Variants in GRM7 observed in about 807,000 individuals in gnomAD.
GRM7 encodes the protein metabotropic glutamate receptor 7.
In GRM7, 35 loss-of-function variants were observed where a neutral mutation model predicts 84.5. The ratio of observed to expected loss-of-function variants is 0.41; its 90% CI spans 0.32 to 0.55. The LOEUF (loss-of-function observed/expected upper bound fraction) is 0.55. GRM7 is among the 20% of genes least tolerant of loss of function. GRM7 has a pLI of 0.19. For missense variants in GRM7, 1,003 were observed against 1,194.6 expected (o/e 0.84, Z 2.36); for synonymous variants, 487 against 455.1 (o/e 1.07, Z -0.89).
At chr3:7,629,089 A>G (rs2125094693) in intron 8 of GRM7, among the ~76,000 whole-genome samples, 1 of 152,330 alleles carries the variant, frequency 6.6e-6, no homozygotes, top group South Asian at 2.1e-4. Context: ...CTGTAAAAAA[A>G]AGGAGATAAC....
At chr3:7,662,944 T>A (rs577107099) in intron 8 of GRM7, among the ~76,000 whole-genome samples, 1 of 152,332 alleles carries the variant, frequency 6.6e-6, no homozygotes, top group East Asian at 1.9e-4. Flanking sequence ...GGATGTGTCT[T>A]TTCTGAGAGA....
At chr3:7,089,060 C>T (rs1334316675) in intron 1 of GRM7, among the ~76,000 whole-genome samples, 1 of 152,118 alleles carries the variant, frequency 6.6e-6, no homozygotes, top group Non-Finnish European at 1.5e-5. Flanking sequence ...GGACACTTCC[C>T]ATTACTTTTG....
intron 4 of GRM7, among the ~76,000 whole-genome samples, chr3:7,315,399 G>A (rs2875237): frequency 0.14 from 21,880 of 152,068 alleles, 1,727 homozygotes; most frequent in African/African-American, 0.2. Context: ...TTTCTCCTAG[G>A]CTTAATGCTG....
chr3:7,172,888 TTACCA>T (rs1243178368), intron 2 of GRM7, among the ~76,000 whole-genome samples: 64 of 152,126 alleles, frequency 4.2e-4, no homozygotes, highest in African/African-American at 1.5e-3. Flanking sequence ...AGAATATTGT[TTACCA>T]GAGGAGGATA....
chr3:7,578,119 C>G (rs1695051688), intron 7 of GRM7, among the ~76,000 whole-genome samples: 1 of 151,990 alleles, frequency 6.6e-6, no homozygotes, highest in Non-Finnish European at 1.5e-5. Context: ...TAAATACAGC[C>G]CCTAAGGTTC....
At chr3:7,146,916 CT>C (rs1295110062) in intron 2 of GRM7, among the ~76,000 whole-genome samples, 1 of 152,068 alleles carries the variant, frequency 6.6e-6, no homozygotes, top group African/African-American at 2.4e-5. Flanking sequence ...AAGTTAATAT[CT>C]TACTTCTGCC....
rs78149538 is a variant in GRM7 at position 7,144,500 on chromosome 3, T to C, written c.520-1952T>C. Among the ~76,000 whole-genome samples the C allele has an allele frequency of 8.6e-3, 1,316 of 152,294 alleles. 11 individuals carry two copies. The highest frequency in any genetic ancestry group is 0.03 in the African/African-American group (1,267 of 41,556). On this transcript the variant is annotated intron_variant, in intron 1 of 9. Coordinates refer to ENST00000357716, the MANE Select transcript of GRM7 (RefSeq NM_000844.4). ...CATAGGACAGTGTGGAGAATGTTCG[T>C]GATGACGTGCAGCAGAGGACTTGAA... is the stretch of plus-strand genomic sequence containing the variant.
At chr3:7,007,142 A>G (rs1056825011) in intron 1 of GRM7, among the ~76,000 whole-genome samples, 15 of 152,152 alleles carry the variant, frequency 9.9e-5, no homozygotes, top group African/African-American at 3.4e-4. Flanking sequence ...AATGAAGAAA[A>G]AGCTCAGGAT....
intron 1 of GRM7, among the ~76,000 whole-genome samples, chr3:6,998,970 T>C (rs914318945): frequency 6.6e-6 from 1 of 152,220 alleles, no homozygotes; most frequent in Non-Finnish European, 1.5e-5. Flanking sequence ...GCCTTGGTGA[T>C]TAACATTTGG....
At chr3:6,868,550 A>G (rs558303505) in intron 1 of GRM7, among the ~76,000 whole-genome samples, 2 of 152,282 alleles carry the variant, frequency 1.3e-5, no homozygotes, top group South Asian at 2.1e-4. Flanking sequence ...TTTTCATTCA[A>G]ATAAATGAGA....
At chr3:7,206,823 C>T (rs578162946) in intron 2 of GRM7, among the ~76,000 whole-genome samples, 10 of 152,216 alleles carry the variant, frequency 6.6e-5, no homozygotes, top group South Asian at 2.1e-4. Flanking sequence ...CCTTATTATT[C>T]GACGGGTTCT....
chr3:7,078,414 A>C (rs12054141), intron 1 of GRM7, among the ~76,000 whole-genome samples: 23,271 of 152,154 alleles, frequency 0.15, 2,928 homozygotes, highest in African/African-American at 0.35. Context: ...GCTGCTGCTG[A>C]TGATGATGTT....
At chr3:7,424,649 G>A (rs193117672) in intron 5 of GRM7, among the ~76,000 whole-genome samples, 5 of 152,166 alleles carry the variant, frequency 3.3e-5, no homozygotes, top group Admixed American at 3.3e-4. Flanking sequence ...CATGTACTCT[G>A]TCACTCATTT....
rs1332580666 is a variant in GRM7, at chr3:7,415,172, A to G, written c.1174+9A>G. The G allele has an allele frequency of 6.2e-7, 1 of 1,610,798 alleles. No homozygotes were observed. The highest frequency in any genetic ancestry group is 1.3e-5 in the African/African-American group (1 of 74,808). Reference sequence around the variant, plus strand: ...AGATCGCAAATGCACAGGTAATTTAATTCTCGTTGTCCTTCTCCTATTACT... The same window carrying G: ...AGATCGCAAATGCACAGGTAATTTAGTTCTCGTTGTCCTTCTCCTATTACT... On this transcript the variant is annotated intron_variant, in intron 5 of 9. Transcript: ENST00000357716.
chr3:7,331,275 A>C (rs2125066176), intron 4 of GRM7, among the ~76,000 whole-genome samples: 1 of 152,346 alleles, frequency 6.6e-6, no homozygotes, highest in African/African-American at 2.4e-5. Context: ...TATAGAGTAG[A>C]GTGAGCGTGT....
chr3:7,307,951 C>CAA (rs61018546), intron 4 of GRM7, among the ~76,000 whole-genome samples: 71,701 of 151,672 alleles, frequency 0.47, 18,619 homozygotes, highest in Non-Finnish European at 0.6. Context: ...ATGGAGGGCA[C>CAA]AGAGAGTTAC....
intron 2 of GRM7, among the ~76,000 whole-genome samples, chr3:7,186,553 A>C (rs985294952): frequency 6.6e-6 from 1 of 152,194 alleles, no homozygotes; most frequent in Non-Finnish European, 1.5e-5. Flanking sequence ...TGTAAAAATA[A>C]ATATCTCACC....
chr3:7,457,058 TC>T (rs1698048126), intron 6 of GRM7, among the ~76,000 whole-genome samples: 1 of 152,156 alleles, frequency 6.6e-6, no homozygotes, highest in Non-Finnish European at 1.5e-5. Flanking sequence ...CTTTTTCCAA[TC>T]CATTGTGAAA....
intron 4 of GRM7, among the ~76,000 whole-genome samples, chr3:7,336,252 TAAACTTGATATAGC>T (rs1701416587): frequency 6.6e-6 from 1 of 151,990 alleles, no homozygotes; most frequent in African/African-American, 2.4e-5. Context: ...CGCAAGTCAA[TAAACTTGATATAGC>T]ACATAAACAG....
Sources: allele counts gnomAD v4.1 joint callset (sites outside exome capture counted in the v4.1 genomes callset), GRCh38; gene constraint gnomAD v4.1.1; transcripts MANE v1.5; gene names NCBI Gene and HGNC (gene_info 2026-07-23, HGNC 2026-07-21).